The following SLC35E2B variants were observed in gnomAD, a reference collection of about 807,000 sequenced individuals.
SLC35E2B encodes the protein solute carrier family 35 member E2B, also known as solute carrier family 35, member E2B.
A neutral mutation model predicts 32.4 loss-of-function variants in SLC35E2B; 18 were observed. That is an observed-to-expected ratio of 0.56 (90% CI 0.38 to 0.82). The LOEUF (loss-of-function observed/expected upper bound fraction) is 0.82. Among genes scored for constraint, SLC35E2B ranks in the 40% least tolerant of loss-of-function variants. The probability of loss-of-function intolerance (pLI) is 0.00; values close to 1 mark genes in which losing one functional copy is unlikely to be tolerated. For synonymous variants in SLC35E2B, 132 were observed against 209.1 expected (o/e 0.63, Z 3.18); for missense variants, 263 against 469.5 (o/e 0.56, Z 4.06).
At chr1:1,685,796 G>A (rs1226093697) in intron 2 of SLC35E2B, among the ~76,000 whole-genome samples, 1 of 152,084 alleles carries the variant, frequency 6.6e-6, no homozygotes. Context: ...CCAGACACAG[G>A]AGCTCCAAAC....
At position 1,687,790 on chromosome 1, in the gene SLC35E2B, G is replaced by A. The variant is rs576772999; in HGVS notation, c.-148+3186C>T. Among the ~76,000 whole-genome samples, 8 of 151,650 alleles carry A rather than the reference G, an allele frequency of 5.3e-5. No homozygotes were observed. The South Asian group carries it at 1.7e-3, about 32-fold the overall frequency. ...GGTGCCTGTAGTCCCAGCCACTTAG[G>A]AGGCTGAGGCATGAGAATCGCTTGA... On this transcript the variant is annotated intron_variant, in intron 2 of 9. Coordinates refer to ENST00000617444, the MANE Select transcript of SLC35E2B (RefSeq NM_001290264.2).
At position 1,666,971 on chromosome 1, in the gene SLC35E2B, G is replaced by A. The variant is rs1266752155; in HGVS notation, c.981-952C>T. 6.4e-5 allele frequency among the ~76,000 whole-genome samples: 9 copies of A among 141,582 alleles called. No individual in the cohort carries two copies. The East Asian group carries it at 1.6e-3, about 26-fold the overall frequency. 92.9% of individuals were successfully genotyped at this position (141,582 alleles called of 152,430 possible). ...AATACAAAAATTAGCCGGGCATGGT[G>A]GCACACGCCTGTAATCCCAGCTACT... is the stretch of plus-strand genomic sequence containing the variant. On this transcript the variant is annotated intron_variant, in intron 9 of 9. Transcript: ENST00000617444.
intron 9 of SLC35E2B, 107 bp from the exon 10 acceptor site, chr1:1,666,126 G>T: frequency 7.6e-7 from 1 of 1,317,590 alleles, no homozygotes; most frequent in Non-Finnish European, 1.0e-6. Flanking sequence ...GGGGTTGGGG[G>T]ACTCAGCGTC....
At chr1:1,686,094 T>G (rs1261985275) in intron 2 of SLC35E2B, among the ~76,000 whole-genome samples, 1 of 152,142 alleles carries the variant, frequency 6.6e-6, no homozygotes, top group East Asian at 1.9e-4. Flanking sequence ...AACCTTCGCC[T>G]CCCAGGTTCA....
At chr1:1,688,619 AAAC>A (rs70937172) in intron 2 of SLC35E2B, among the ~76,000 whole-genome samples, 57,942 of 145,994 alleles carry the variant, frequency 0.4, 6,898 homozygotes, top group African/African-American at 0.51. Flanking sequence ...TAAAGCTTAG[AAAC>A]AAGAGGCTAT....
chr1:1,686,071 C>A (rs1311617371), intron 2 of SLC35E2B, among the ~76,000 whole-genome samples: 4 of 152,190 alleles, frequency 2.6e-5, no homozygotes, highest in African/African-American at 9.7e-5. Context: ...ATGGCACGAT[C>A]TTGGCTCACC....
intron 5 of SLC35E2B, among the ~76,000 whole-genome samples, chr1:1,675,062 T>G (rs2101103203): frequency 6.6e-6 from 1 of 151,124 alleles, no homozygotes; most frequent in Non-Finnish European, 1.5e-5. Context: ...GGCTGTGGGG[T>G]GCTGGCACAG....
rs138741844 is a variant in SLC35E2B, at chr1:1,666,466, TCTTCCCACCTGGG to T, written c.981-460_981-448del. Among the ~76,000 whole-genome samples, 1,490 of 152,286 alleles carry T rather than the reference TCTTCCCACCTGGG, an allele frequency of 9.8e-3. 28 individuals are homozygous for T. Among genetic ancestry groups the T allele is most frequent in the African/African-American group, 0.034 (1,417 of 41,544 alleles). ...GTCTTCAAATCCTGGGCTCAAGTGATCTTCCCACCTGGGCCTCCCACAGAGCTGGGATCATAGG... is the reference window on the plus strand; with the variant it reads ...GTCTTCAAATCCTGGGCTCAAGTGATCCTCCCACAGAGCTGGGATCATAGG... On this transcript the variant is annotated intron_variant, in intron 9 of 9. Transcript: ENST00000617444.
intron 9 of SLC35E2B, among the ~76,000 whole-genome samples, 195 bp from the exon 10 acceptor site, chr1:1,666,214 G>A (rs189871395): frequency 6.6e-5 from 10 of 152,286 alleles, no homozygotes; most frequent in Non-Finnish European, 1.5e-4. Flanking sequence ...GGTGCTCAAC[G>A]GGACCTCGGT....
chr1:1,668,389 C>A lies in SLC35E2B; in HGVS notation c.918G>T (p.Leu306=). Residue 306 remains leucine (L), a synonymous_variant, in exon 9 of 10, where the codon CTG becomes CTT. Coordinates refer to ENST00000617444, the MANE Select transcript of SLC35E2B (RefSeq NM_001290264.2). ...VVLLLLTDGV[L]FHLQSVTAYA... ...ACGCCGTGACGCTCTGAAGGTGGAA[C>A]AGGACTCCGTCTGTCAGAAGCAGCA... The A allele has an allele frequency of 6.2e-7, 1 of 1,613,064 alleles. No homozygotes were observed. Among genetic ancestry groups the A allele is most frequent in the Non-Finnish European group, 8.5e-7 (1 of 1,179,810 alleles).
chr1:1,681,631 C>A (rs1223369638), intron 2 of SLC35E2B, among the ~76,000 whole-genome samples: 2 of 150,390 alleles, frequency 1.3e-5, no homozygotes, highest in East Asian at 4.0e-4. Flanking sequence ...CTCAGCCTCT[C>A]GGGCAGCTGG....
intron 2 of SLC35E2B, among the ~76,000 whole-genome samples, chr1:1,686,322 T>C (rs1486739944): frequency 9.1e-5 from 3 of 33,008 alleles, no homozygotes; most frequent in African/African-American, 3.1e-4. Context: ...TTTTTTTTTC[T>C]TTTTTTTTTT....
intron 2 of SLC35E2B, among the ~76,000 whole-genome samples, chr1:1,684,607 T>G (rs2101115610): frequency 6.6e-6 from 1 of 151,836 alleles, no homozygotes; most frequent in East Asian, 1.9e-4. Context: ...CTGGCCTACA[T>G]GGTGAAACCC....
rs554013068 is a variant in SLC35E2B at position 1,671,307 on chromosome 1, G to A, written c.707+202C>T. The A allele has an allele frequency of 7.2e-5, 34 of 471,204 alleles. 1 individual carries two copies. The highest frequency in any genetic ancestry group is 3.7e-4 in the East Asian group (10 of 27,062). The allele number at this position is 471,204 out of a possible 1,614,324, so 29.2% of individuals were successfully genotyped here. On this transcript the variant is annotated intron_variant, in intron 6 of 9. Transcript: ENST00000617444. ...GGTTAGCATTTTAAGTACCAAGACC[G>A]TCCATCCTGAAATTTCGGCTTATTT...
At chr1:1,670,864 A>G (rs1643669328) in intron 6 of SLC35E2B, 1 of 152,202 alleles carries the variant, frequency 6.6e-6, no homozygotes, top group South Asian at 2.1e-4. Flanking sequence ...GAAGCCGGTC[A>G]TTCTCAAAGG....
chr1:1,673,375 A>T, intron 5 of SLC35E2B: 1 of 445,084 alleles, frequency 2.2e-6, no homozygotes, highest in South Asian at 1.6e-5. Flanking sequence ...GGTGGTGGTG[A>T]GAAAGTTATT....
At chr1:1,682,615 G>T (rs1008640669) in intron 2 of SLC35E2B, among the ~76,000 whole-genome samples, 2 of 152,106 alleles carry the variant, frequency 1.3e-5, no homozygotes, top group African/African-American at 4.8e-5. Context: ...GTGCCTGAAA[G>T]AGGGAATTCC....
intron 2 of SLC35E2B, among the ~76,000 whole-genome samples, chr1:1,677,993 T>C (rs570257476): frequency 2.0e-5 from 3 of 151,344 alleles, no homozygotes; most frequent in Non-Finnish European, 4.4e-5. Flanking sequence ...ATCCCAGCGC[T>C]CAGGCAGCCC....
intron 5 of SLC35E2B, 91 bp from the exon 6 acceptor site, chr1:1,671,720 G>A (rs947807734): frequency 7.8e-7 from 1 of 1,279,282 alleles, no homozygotes; most frequent in Non-Finnish European, 1.0e-6. Context: ...TCTTATGAAA[G>A]GAACGGATGC....
Sources: gnomAD v4.1 joint callset for allele counts (sites outside exome capture counted in the v4.1 genomes callset) on GRCh38, gnomAD v4.1.1 for gene constraint, MANE v1.5 for transcripts, NCBI Gene and HGNC (gene_info 2026-07-23, HGNC 2026-07-21) for gene names.